Variants in FGF7 observed in about 807,000 individuals in gnomAD.
FGF7 encodes fibroblast growth factor 7.
FGF7 carries 6 observed loss-of-function variants against 20.5 expected under a neutral mutation model. The ratio of observed to expected loss-of-function variants is 0.29; its 90% CI spans 0.16 to 0.58. The LOEUF (loss-of-function observed/expected upper bound fraction) is 0.58, where lower values mean the gene tolerates loss of function less well. Ranked by LOEUF, FGF7 falls within the 20% of genes least tolerant of loss-of-function variation. The pLI is 0.90. For synonymous variants in FGF7, 64 were observed against 74.7 expected, an observed-to-expected ratio of 0.86 and a Z score of 0.74; for missense variants, 144 against 228.8, an observed-to-expected ratio of 0.63 and a Z score of 2.39.
Position 49,485,984 on chromosome 15 carries a change from T to C in FGF7, c.*1480T>C, listed in dbSNP as rs1479021438. Reference sequence around the variant, plus strand: ...AAGGGGCCCTGAATGTCATGAAGGCTTGAGGTCAGCCTACAGATAACAGGA... The same window carrying C: ...AAGGGGCCCTGAATGTCATGAAGGCCTGAGGTCAGCCTACAGATAACAGGA... On this transcript the variant is annotated 3_prime_UTR_variant, in exon 4 of 4. Coordinates refer to ENST00000267843, the MANE Select transcript of FGF7 (RefSeq NM_002009.4). The C allele has an allele frequency of 6.6e-6, 1 of 151,996 alleles. No individual in the cohort carries two copies. The highest frequency in any genetic ancestry group is 2.4e-5 in the African/African-American group (1 of 41,424). The allele number at this position is 151,996 out of a possible 1,614,324, so 9.4% of individuals were successfully genotyped here. A position where few individuals can be genotyped will look rare whatever the true frequency, so the allele number is the denominator to read the frequency against.
chr15:49,443,652 A>C (rs1295028396), intron 2 of FGF7, among the ~76,000 whole-genome samples: 1 of 151,768 alleles, frequency 6.6e-6, no homozygotes, highest in Non-Finnish European at 1.5e-5. Flanking sequence ...ATCATTGAGA[A>C]GTGAGTGAAG....
intron 2 of FGF7, among the ~76,000 whole-genome samples, chr15:49,443,693 C>G (rs1488604271): frequency 6.6e-6 from 1 of 151,718 alleles, no homozygotes; most frequent in Non-Finnish European, 1.5e-5. Context: ...CATTTACCTT[C>G]TTCTTACTTA....
chr15:49,484,567 T>C lies in FGF7; in HGVS notation c.*63T>C, dbSNP rs908513751. The C allele has an allele frequency of 1.2e-6, 1 of 812,738 alleles. No homozygotes were observed. The highest frequency in any genetic ancestry group is 1.8e-6 in the Non-Finnish European group (1 of 563,920). The allele number at this position is 812,738 out of a possible 1,614,324, so 50.3% of individuals were successfully genotyped here. Reference sequence around the variant, plus strand: ...GATTTCTTTAAGTGGACTGTTTTCTTTCTTCTCAAAATTTTCTTTCCTTTT... The same window carrying C: ...GATTTCTTTAAGTGGACTGTTTTCTCTCTTCTCAAAATTTTCTTTCCTTTT... On this transcript the variant is annotated 3_prime_UTR_variant, in exon 4 of 4. Transcript: ENST00000267843.
At position 49,424,512 on chromosome 15, in the gene FGF7, G is replaced by A. The variant is rs1195547010; in HGVS notation, c.215G>A (p.Arg72Gln). The change falls in exon 2 of 4, where the codon CGA becomes CAA. Residue 72 changes from arginine (R) to glutamine (Q), a missense_variant. Arg to Gln is a conservative substitution (Grantham distance 43). Around this residue, in one of 2 missense-constraint regions of FGF7, gnomAD observed 88 missense variants for 103.4 expected, o/e 0.85. Transcript: ENST00000267843. ...ATAAGAGTGAGAAGACTCTTCTGTC[G>A]AACACAGTGGTACCTGAGGATCGAT... ...GDIRVRRLFC[R>Q]TQWYLRIDKR... is the part of the protein sequence containing the mutation. 3.7e-6 allele frequency: 6 copies of A among 1,613,030 alleles called. No homozygotes were observed. Among genetic ancestry groups the A allele is most frequent in the Non-Finnish European group, 4.2e-6 (5 of 1,179,368 alleles).
chr15:49,475,029 T>A (rs914400806), intron 2 of FGF7, among the ~76,000 whole-genome samples: 2 of 152,144 alleles, frequency 1.3e-5, no homozygotes, highest in Admixed American at 6.5e-5. Flanking sequence ...CAGACAATGG[T>A]ATGGAAAACA....
At chr15:49,459,544 A>C (rs1458151748) in intron 2 of FGF7, among the ~76,000 whole-genome samples, 2 of 149,422 alleles carry the variant, frequency 1.3e-5, no homozygotes, top group East Asian at 4.3e-4. Flanking sequence ...CCCATCCTCT[A>C]TCTTTATCTT....
At chr15:49,453,529 A>G (rs952930935) in intron 2 of FGF7, among the ~76,000 whole-genome samples, 1 of 152,322 alleles carries the variant, frequency 6.6e-6, no homozygotes, top group Admixed American at 6.5e-5. Context: ...AGGGTTCAGT[A>G]GCCACATGTG....
intron 2 of FGF7, 29 bp from the exon 3 acceptor site, chr15:49,483,122 T>C: frequency 3.3e-6 from 4 of 1,207,658 alleles, no homozygotes; most frequent in Non-Finnish European, 3.6e-6. Flanking sequence ...GAACGAATAT[T>C]TGACATGTCT....
chr15:49,470,004 G>GAGGATGGCATT (rs935590099), intron 2 of FGF7, among the ~76,000 whole-genome samples: 2 of 152,124 alleles, frequency 1.3e-5, no homozygotes, highest in Non-Finnish European at 2.9e-5. Context: ...GCATTAAATA[G>GAGGATGGCATT]AAATGGTAGC....
intron 2 of FGF7, among the ~76,000 whole-genome samples, chr15:49,479,367 C>T (rs2055672023): frequency 6.6e-6 from 1 of 152,026 alleles, no homozygotes; most frequent in African/African-American, 2.4e-5. Context: ...CTGGGTACTA[C>T]TTAATGTGAA....
intron 2 of FGF7, among the ~76,000 whole-genome samples, chr15:49,432,493 C>A (rs897543723): frequency 6.6e-6 from 1 of 151,638 alleles, no homozygotes; most frequent in East Asian, 1.9e-4. Context: ...CAACATAACA[C>A]TCCTCCTCTC....
intron 2 of FGF7, among the ~76,000 whole-genome samples, chr15:49,453,045 C>A (rs111663538): frequency 1.3e-5 from 2 of 152,086 alleles, no homozygotes; most frequent in African/African-American, 2.4e-5. Flanking sequence ...TTTCTCCTTT[C>A]TCTTACCACT....
chr15:49,440,141 T>A (rs2151832673), intron 2 of FGF7, among the ~76,000 whole-genome samples: 1 of 151,904 alleles, frequency 6.6e-6, no homozygotes, highest in South Asian at 2.1e-4. Context: ...TGGTTTGGAC[T>A]GGAATTGAAG....
rs1482437370 is a variant in FGF7, at chr15:49,423,402, A to T, written c.-305A>T. ...AAGTTGCACCAGGCAGACAACAGAC[A>T]TGGAATTCTTATATATCCAGCTGTT... On this transcript the variant is annotated 5_prime_UTR_variant, in exon 1 of 4. It removes an upstream start codon present in the reference 5' UTR. Transcript: ENST00000267843. 6.6e-6 allele frequency: 1 copy of T among 152,182 alleles called. No homozygotes were observed. The highest frequency in any genetic ancestry group is 1.5e-5 in the Non-Finnish European group (1 of 68,026). The allele number at this position is 152,182 out of a possible 1,614,324, so 9.4% of individuals were successfully genotyped here.
chr15:49,467,083 G>A (rs1026904081), intron 2 of FGF7, among the ~76,000 whole-genome samples: 1 of 152,108 alleles, frequency 6.6e-6, no homozygotes, highest in African/African-American at 2.4e-5. Context: ...GTTAAAGAGG[G>A]AGGGAAGAAA....
chr15:49,478,790 T>C (rs1000811796), intron 2 of FGF7, among the ~76,000 whole-genome samples: 1 of 152,104 alleles, frequency 6.6e-6, no homozygotes, highest in Non-Finnish European at 1.5e-5. Context: ...GATGCTGAGA[T>C]TGGTGGGCAT....
intron 2 of FGF7, among the ~76,000 whole-genome samples, chr15:49,482,541 T>C (rs911355516): frequency 1.3e-5 from 2 of 152,056 alleles, no homozygotes; most frequent in African/African-American, 4.8e-5. Context: ...TTCTTCACTT[T>C]CAGTATATTC....
chr15:49,445,909 T>C (rs1464467329), intron 2 of FGF7, among the ~76,000 whole-genome samples: 2 of 151,572 alleles, frequency 1.3e-5, no homozygotes, highest in African/African-American at 2.4e-5. Flanking sequence ...AACATATCTA[T>C]ACTATCATTA....
At chr15:49,456,819 G>A (rs1240355634) in intron 2 of FGF7, among the ~76,000 whole-genome samples, 2 of 152,104 alleles carry the variant, frequency 1.3e-5, no homozygotes, top group African/African-American at 4.8e-5. Flanking sequence ...ACAGAGTTGT[G>A]AGAATCAGTG....
Sources: gnomAD v4.1 joint callset for allele counts (sites outside exome capture counted in the v4.1 genomes callset) on GRCh38, gnomAD v4.1.1 for gene constraint, gnomAD v4.1.1 regional missense constraint, MANE v1.5 for transcripts, NCBI Gene and HGNC (gene_info 2026-07-23, HGNC 2026-07-21) for gene names.